GRID1: variants seen among roughly 807,000 people sequenced by gnomAD.
GRID1 encodes glutamate receptor ionotropic, delta-1.
A neutral mutation model predicts 98.0 loss-of-function variants in GRID1; 28 were observed. The observed-to-expected ratio is 0.29, with a 90% CI of 0.21 to 0.39. The LOEUF (loss-of-function observed/expected upper bound fraction) is 0.39. Among genes scored for constraint, GRID1 ranks in the 10% least tolerant of loss-of-function variants. The pLI is 1.00. For synonymous variants in GRID1, 553 were observed against 538.5 expected (o/e 1.03, Z -0.37); for missense variants, 1,111 against 1,340.5 (o/e 0.83, Z 2.67).
intron 4 of GRID1, among the ~76,000 whole-genome samples, chr10:85,978,160 G>A (rs543594580): frequency 6.6e-6 from 1 of 151,946 alleles, no homozygotes; most frequent in Non-Finnish European, 1.5e-5. Context: ...TCCATGCAGC[G>A]TCTTCCCTAC....
At chr10:85,873,850 G>T (rs1053834369) in intron 5 of GRID1, among the ~76,000 whole-genome samples, 1 of 152,096 alleles carries the variant, frequency 6.6e-6, no homozygotes, top group Admixed American at 6.6e-5. Context: ...AACGTCTCTG[G>T]GTACCCCATT....
chr10:85,936,253 C>T (rs966429726), intron 4 of GRID1, among the ~76,000 whole-genome samples: 2 of 152,350 alleles, frequency 1.3e-5, no homozygotes, highest in Non-Finnish European at 2.9e-5. Context: ...TCTTCTAAGG[C>T]TTTTAAGCTC....
intron 4 of GRID1, among the ~76,000 whole-genome samples, chr10:85,966,080 C>T (rs141644476): frequency 3.9e-5 from 6 of 152,294 alleles, no homozygotes; most frequent in East Asian, 3.9e-4. Flanking sequence ...CACAATTTGA[C>T]GTGTTTCCTG....
intron 8 of GRID1, among the ~76,000 whole-genome samples, chr10:85,802,915 T>C (rs1261019443): frequency 6.7e-6 from 1 of 148,580 alleles, no homozygotes; most frequent in Admixed American, 6.8e-5. Context: ...AATTGCTTAT[T>C]TGCAGGATCT....
chr10:86,213,930 C>T (rs1317978826), intron 2 of GRID1, among the ~76,000 whole-genome samples: 1 of 152,172 alleles, frequency 6.6e-6, no homozygotes, highest in East Asian at 1.9e-4. Flanking sequence ...ACCCAAGCCA[C>T]CACCAGGCCT....
At chr10:85,685,049 C>T (rs1295362963) in intron 12 of GRID1, among the ~76,000 whole-genome samples, 2 of 152,174 alleles carry the variant, frequency 1.3e-5, no homozygotes, top group African/African-American at 4.8e-5. Flanking sequence ...CAGTCTACAG[C>T]ACCCATGATA....
chr10:86,015,466 A>T (rs1842969049), intron 4 of GRID1, among the ~76,000 whole-genome samples: 1 of 152,248 alleles, frequency 6.6e-6, no homozygotes, highest in African/African-American at 2.4e-5. Context: ...GAAACAGGAT[A>T]ATCTTACCCA....
At chr10:86,203,601 TGACCA>T (rs1845984791) in intron 3 of GRID1, among the ~76,000 whole-genome samples, 1 of 121,310 alleles carries the variant, frequency 8.2e-6, no homozygotes, top group Admixed American at 8.3e-5. Flanking sequence ...AGGAGGCCGA[TGACCA>T]GGGCAGGCAA....
Position 86,195,583 on chromosome 10 carries a change from C to T in GRID1, c.520+10781G>A, listed in dbSNP as rs891435447. 2.0e-5 allele frequency among the ~76,000 whole-genome samples: 3 copies of T among 152,122 alleles called. No individual in the cohort carries two copies. The highest frequency in any genetic ancestry group is 4.8e-5 in the African/African-American group (2 of 41,446). On this transcript the variant is annotated intron_variant, in intron 3 of 15. Transcript: ENST00000327946. This position sits in a 1 kb window ranked among gnomAD's most constrained non-coding sequence, Gnocchi z 4.4. The stretch of plus-strand genomic sequence containing the variant: ...CAATCAAACCAAAAATCAGAGGCAG[C>T]GTGCCAGGTTCATGTGCAGCCTCCT...
At chr10:86,039,489 T>C (rs1296980759) in intron 4 of GRID1, among the ~76,000 whole-genome samples, 1 of 152,234 alleles carries the variant, frequency 6.6e-6, no homozygotes, top group Non-Finnish European at 1.5e-5. Flanking sequence ...TTAAATGTAT[T>C]TTTAAAAAGC....
At chr10:85,740,014 T>G (rs544239182) in intron 8 of GRID1, among the ~76,000 whole-genome samples, 1 of 152,162 alleles carries the variant, frequency 6.6e-6, no homozygotes, top group Non-Finnish European at 1.5e-5. Flanking sequence ...GTTTTTATAA[T>G]CAGAAGAAAA....
In GRID1 at chr10:85,602,598, G is replaced by A; in HGVS notation, c.2705C>T (p.Ala902Val). 1 of 1,614,106 alleles carries A rather than the reference G, an allele frequency of 6.2e-7. No homozygotes were observed. Among genetic ancestry groups the A allele is most frequent in the Non-Finnish European group, 8.5e-7 (1 of 1,180,006 alleles). The change falls in exon 16 of 16, where the codon GCC (alanine) becomes GTC (valine). Residue 902 changes from alanine to valine, a missense_variant. Physicochemically the swap from Ala to Val is moderately conservative, Grantham distance 64 (BLOSUM62 0). Transcript: ENST00000327946. ...GGGAGCCAGGCCCCCCATCTCCAGGGCCGAGAGCTCAATCGACGCTGGGGA... is the reference window on the plus strand; with the variant it reads ...GGGAGCCAGGCCCCCCATCTCCAGGACCGAGAGCTCAATCGACGCTGGGGA... Reference protein sequence around the residue: ...QISPASIELSALEMGGLAPTQ... With the variant: ...QISPASIELSVLEMGGLAPTQ...
At chr10:85,910,550 G>GT (rs1841523155) in intron 5 of GRID1, among the ~76,000 whole-genome samples, 1 of 152,204 alleles carries the variant, frequency 6.6e-6, no homozygotes, top group Non-Finnish European at 1.5e-5. Flanking sequence ...ACAAACTAGT[G>GT]TAAGTGATAA....
chr10:86,169,105 T>C (rs1237037578), intron 3 of GRID1, among the ~76,000 whole-genome samples: 6 of 152,188 alleles, frequency 3.9e-5, no homozygotes, highest in African/African-American at 9.7e-5. Flanking sequence ...TCCAGGATCA[T>C]GGCAAGAGCT....
chr10:85,925,061 C>T (rs1003102131), intron 4 of GRID1, among the ~76,000 whole-genome samples: 1 of 152,204 alleles, frequency 6.6e-6, no homozygotes, highest in Admixed American at 6.5e-5. Context: ...GAAATGGAGC[C>T]TGCTCACAGG....
At chr10:85,717,915 G>C (rs1277041097) in intron 12 of GRID1, among the ~76,000 whole-genome samples, 3 of 31,066 alleles carry the variant, frequency 9.7e-5, no homozygotes, top group Non-Finnish European at 1.8e-4. Context: ...AATCCAGTGG[G>C]CAGTCAGATT....
chr10:85,856,935 C>T (rs760458847), intron 6 of GRID1, among the ~76,000 whole-genome samples: 1 of 152,170 alleles, frequency 6.6e-6, no homozygotes, highest in Admixed American at 6.5e-5. Context: ...TAGGGACTTA[C>T]TAAGGAGGAC....
chr10:85,774,208 A>G (rs1842304715), intron 8 of GRID1, among the ~76,000 whole-genome samples: 1 of 152,166 alleles, frequency 6.6e-6, no homozygotes, highest in Non-Finnish European at 1.5e-5. Context: ...AAACCTGAGA[A>G]AAACAAGCAA....
intron 14 of GRID1, among the ~76,000 whole-genome samples, chr10:85,619,545 G>T (rs1273086571): frequency 1.3e-5 from 2 of 152,128 alleles, no homozygotes; most frequent in Non-Finnish European, 2.9e-5. Context: ...CAGATATCCT[G>T]GGTCTGGTGA....
Sources: gnomAD v4.1 joint callset for allele counts (sites outside exome capture counted in the v4.1 genomes callset) on GRCh38, gnomAD v4.1.1 for gene constraint, Gnocchi (gnomAD v3.1) non-coding constraint, MANE v1.5 for transcripts, NCBI Gene and HGNC (gene_info 2026-07-23, HGNC 2026-07-21) for gene names.